RBM33: variants seen among roughly 807,000 people sequenced by gnomAD.
The protein encoded by RBM33 is RNA binding motif protein 33.
Under a neutral mutation model 132.6 loss-of-function variants are expected in RBM33, and 28 were observed. That is an observed-to-expected ratio of 0.21 (90% CI 0.16 to 0.29). RBM33 has a LOEUF of 0.29. RBM33 is among the 10% of genes least tolerant of loss of function. The pLI, the probability that RBM33 is intolerant of heterozygous loss-of-function variation, is 1.00. For synonymous variants in RBM33, 634 were observed against 593.0 expected (o/e 1.07, Z -1.01); for missense variants, 1,291 against 1,518.5 (o/e 0.85, Z 2.49).
intron 2 of RBM33, among the ~76,000 whole-genome samples, chr7:155,669,873 G>C (rs1008215900): frequency 6.6e-6 from 1 of 152,124 alleles, no homozygotes; most frequent in Non-Finnish European, 1.5e-5. Flanking sequence ...ACTTGGTGAC[G>C]TTATGTTGGT....
At chr7:155,671,612 G>T (rs1798944520) in intron 2 of RBM33, among the ~76,000 whole-genome samples, 1 of 152,056 alleles carries the variant, frequency 6.6e-6, no homozygotes, top group African/African-American at 2.4e-5. Context: ...ATGATTTTTT[G>T]GTAAAATAAT....
intron 2 of RBM33, among the ~76,000 whole-genome samples, chr7:155,671,193 G>C (rs1488982985): frequency 6.6e-6 from 1 of 152,184 alleles, no homozygotes; most frequent in South Asian, 2.1e-4. Context: ...TGCCTCTGGA[G>C]GGTAGTTGGA....
At chr7:155,726,168 G>C (rs1158697105) in intron 9 of RBM33, among the ~76,000 whole-genome samples, 1 of 152,184 alleles carries the variant, frequency 6.6e-6, no homozygotes, top group African/African-American at 2.4e-5. Flanking sequence ...ATCTTGTAGA[G>C]ATTGGTTGTA....
Position 155,650,664 on chromosome 7 carries a change from G to T in RBM33, c.43+5745G>T, listed in dbSNP as rs570134526. 5.9e-5 allele frequency among the ~76,000 whole-genome samples: 9 copies of T among 152,186 alleles called. No individual in the cohort carries two copies. The South Asian group carries it at 1.5e-3, about 25-fold the overall frequency. On this transcript the variant is annotated intron_variant, in intron 1 of 17. Transcript: ENST00000401878. ...GGTGTAAAAATCTGTTATTGACTGTGGAAGAACTCTTTTCTCCAGAGCCAT... is the reference window on the plus strand; with the variant it reads ...GGTGTAAAAATCTGTTATTGACTGTTGAAGAACTCTTTTCTCCAGAGCCAT...
At chr7:155,695,504 G>C (rs1346755234) in intron 5 of RBM33, among the ~76,000 whole-genome samples, 1 of 152,122 alleles carries the variant, frequency 6.6e-6, no homozygotes, top group East Asian at 1.9e-4. Context: ...CTGGCGCCCA[G>C]GCTGGAGTGC....
chr7:155,720,810 C>T (rs907863483), intron 9 of RBM33, among the ~76,000 whole-genome samples: 9 of 152,090 alleles, frequency 5.9e-5, no homozygotes, highest in Admixed American at 6.5e-5. Flanking sequence ...GGCCGTATGC[C>T]CCTCAGTTTC....
Position 155,775,110 on chromosome 7 carries a change from C to G in RBM33, c.*69C>G. The G allele has an allele frequency of 7.3e-7, 1 of 1,363,128 alleles. No homozygotes were observed. The highest frequency in any genetic ancestry group is 1.1e-6 in the Non-Finnish European group (1 of 951,568). The allele number at this position is 1,363,128 out of a possible 1,614,324, so 84.4% of individuals were successfully genotyped here. On this transcript the variant is annotated 3_prime_UTR_variant, in exon 18 of 18. Transcript: ENST00000401878. ...GAATTTCTTCAAGGGAGCTGCCGGC[C>G]GGCGCAGAACCCCCAGGAGCACAGG...
chr7:155,673,940 G>GTTGTTGTTTTTTTTTTGTTTTTTTTTT lies in RBM33; in HGVS notation c.171+1027_171+1028insGTTGTTTTTTTTTTGTTTTTTTTTTTT. Among the ~76,000 whole-genome samples, 26 of 54,194 alleles carry GTTGTTGTTTTTTTTTTGTTTTTTTTTT rather than the reference G, an allele frequency of 4.8e-4. 1 individual carries two copies. Among genetic ancestry groups the GTTGTTGTTTTTTTTTTGTTTTTTTTTT allele is most frequent in the African/African-American group, 1.6e-3 (20 of 12,124 alleles). The allele number at this position is 54,194 out of a possible 152,430, so 35.6% of individuals were successfully genotyped here. The stretch of plus-strand genomic sequence containing the variant: ...TCATTATCAAGATAGTTTAGGCTTA[G>GTTGTTGTTTTTTTTTTGTTTTTTTTTT]TTTTTTTTTTTTTTTTTTTTTTTTT... On this transcript the variant is annotated intron_variant, in intron 3 of 17. Transcript: ENST00000401878.
At chr7:155,699,474 G>T (rs932100088) in intron 5 of RBM33, among the ~76,000 whole-genome samples, 1 of 152,160 alleles carries the variant, frequency 6.6e-6, no homozygotes, top group East Asian at 1.9e-4. Context: ...GGTGCAGCAC[G>T]TACCTTGCAG....
At chr7:155,718,363 A>C (rs1285000017) in intron 8 of RBM33, 22 bp from the exon 9 acceptor site, 1 of 1,611,848 alleles carries the variant, frequency 6.2e-7, no homozygotes, top group East Asian at 2.2e-5. Flanking sequence ...TGTGTCTCTA[A>C]CACAAGGGGT....
In RBM33 at chr7:155,780,157, T is replaced by C. The variant is rs1288892189; in HGVS notation, c.*5116T>C. 6.6e-6 allele frequency: 1 copy of C among 152,264 alleles called. No homozygotes were observed. The allele number at this position is 152,264 out of a possible 1,614,324, so 9.4% of individuals were successfully genotyped here. ...GGGCACCCGTGGCGGAAGCTGGTTT[T>C]GCAAGGACTGTGTAAGCTGTATGCG... On this transcript the variant is annotated 3_prime_UTR_variant, in exon 18 of 18. Transcript: ENST00000401878.
chr7:155,674,901 G>A (rs1260779472), intron 3 of RBM33, among the ~76,000 whole-genome samples: 2 of 152,062 alleles, frequency 1.3e-5, no homozygotes, highest in Non-Finnish European at 2.9e-5. Context: ...TACCTTATAG[G>A]AATCAAGGCA....
At chr7:155,664,605 G>A (rs1242941986) in intron 1 of RBM33, among the ~76,000 whole-genome samples, 2 of 152,126 alleles carry the variant, frequency 1.3e-5, no homozygotes, top group Non-Finnish European at 2.9e-5. Context: ...GATATAGTAT[G>A]TTAAATAAAA....
Position 155,673,764 on chromosome 7 carries a change from G to GCACA in RBM33, c.171+850_171+851insACAC, listed in dbSNP as rs141072820. On this transcript the variant is annotated intron_variant, in intron 3 of 17. Coordinates refer to ENST00000401878, the MANE Select transcript of RBM33 (RefSeq NM_053043.3). ...TACACACGTGTATATACGCGCGCAT[G>GCACA]CGCGCACACACACACACACACACAC... is the stretch of plus-strand genomic sequence containing the variant. Among the ~76,000 whole-genome samples, 63 of 17,246 alleles carry GCACA rather than the reference G, an allele frequency of 3.7e-3. 1 individual carries two copies. The highest frequency in any genetic ancestry group is 0.014 in the South Asian group (4 of 290). 11.3% of individuals were successfully genotyped at this position (17,246 alleles called of 152,430 possible).
intron 5 of RBM33, among the ~76,000 whole-genome samples, chr7:155,693,296 G>C (rs761561356): frequency 6.6e-6 from 1 of 151,756 alleles, no homozygotes. Flanking sequence ...CAAAGAGCTA[G>C]AAGTTGCATC....
intron 9 of RBM33, among the ~76,000 whole-genome samples, chr7:155,718,724 T>G (rs770991966): frequency 6.6e-6 from 1 of 152,176 alleles, no homozygotes; most frequent in South Asian, 2.1e-4. Context: ...TATTGCCTTA[T>G]GTTAGTGAGA....
At chr7:155,661,146 ATT>A (rs3080619) in intron 1 of RBM33, among the ~76,000 whole-genome samples, 2,582 of 81,212 alleles carry the variant, frequency 0.032, 133 homozygotes, top group Middle Eastern at 0.069. Flanking sequence ...ATATATATAT[ATT>A]TTTTTTTTTT....
At chr7:155,668,722 C>T (rs1253569404) in intron 2 of RBM33, among the ~76,000 whole-genome samples, 1 of 152,156 alleles carries the variant, frequency 6.6e-6, no homozygotes, top group African/African-American at 2.4e-5. Flanking sequence ...TACCAAGTTT[C>T]AAACTAAGAA....
chr7:155,724,538 GAAACA>G (rs1800721754), intron 9 of RBM33, among the ~76,000 whole-genome samples: 1 of 152,110 alleles, frequency 6.6e-6, no homozygotes, highest in South Asian at 2.1e-4. Context: ...AAGTAAGAAC[GAAACA>G]AAACAAAACC....
Sources: allele counts gnomAD v4.1 joint callset (sites outside exome capture counted in the v4.1 genomes callset), GRCh38; gene constraint gnomAD v4.1.1; transcripts MANE v1.5; gene names NCBI Gene and HGNC (gene_info 2026-07-23, HGNC 2026-07-21).